The following AUTS2 variants were observed in gnomAD, a reference collection of about 807,000 sequenced individuals.
AUTS2 encodes the protein autism susceptibility gene 2 protein.
In AUTS2, 17 loss-of-function variants were observed where a neutral mutation model predicts 112.4. The observed-to-expected ratio is 0.15, with a 90% CI of 0.10 to 0.23. The LOEUF (loss-of-function observed/expected upper bound fraction) is 0.23. Ranked by LOEUF, AUTS2 falls within the 10% of genes least tolerant of loss-of-function variation. The pLI is 1.00. For missense variants in AUTS2, 1,510 were observed against 1,701.6 expected, an observed-to-expected ratio of 0.89 and a Z score of 1.98; for synonymous variants, 751 against 702.7, an observed-to-expected ratio of 1.07 and a Z score of -1.09.
intron 14 of AUTS2, 142 bp downstream of exon 14, chr7:70,777,316 G>A (rs1406642166): frequency 1.8e-5 from 14 of 770,522 alleles, no homozygotes; most frequent in Non-Finnish European, 3.0e-5. Flanking sequence ...TCTTGGAAAA[G>A]CTACTCAGAA....
intron 5 of AUTS2, among the ~76,000 whole-genome samples, chr7:70,475,163 A>G (rs1438812385): frequency 6.6e-6 from 1 of 152,204 alleles, no homozygotes; most frequent in Non-Finnish European, 1.5e-5. Context: ...ATGGCTAGAG[A>G]CAGCTCATTC....
chr7:69,851,206 G>A (rs1792466143), intron 1 of AUTS2, among the ~76,000 whole-genome samples: 1 of 152,152 alleles, frequency 6.6e-6, no homozygotes, highest in Non-Finnish European at 1.5e-5. Context: ...TGATCTGCGT[G>A]TCTGTCCCTT....
intron 2 of AUTS2, among the ~76,000 whole-genome samples, chr7:69,907,090 G>C (rs1795177010): frequency 6.6e-6 from 1 of 152,206 alleles, no homozygotes; most frequent in Non-Finnish European, 1.5e-5. Context: ...CTGGGCAACA[G>C]AGCGAGGTCC....
At chr7:70,750,697 C>T (rs948843590) in intron 6 of AUTS2, among the ~76,000 whole-genome samples, 2 of 152,202 alleles carry the variant, frequency 1.3e-5, no homozygotes, top group African/African-American at 2.4e-5. Context: ...CCACCACACC[C>T]GTCCAACAGA....
chr7:70,472,756 C>A (rs1797440460), intron 5 of AUTS2, among the ~76,000 whole-genome samples: 1 of 152,210 alleles, frequency 6.6e-6, no homozygotes, highest in South Asian at 2.1e-4. Flanking sequence ...TTTCTGAGAT[C>A]TGGCCAGCTC....
chr7:70,548,439 GT>G (rs370361258), intron 5 of AUTS2, among the ~76,000 whole-genome samples: 2,270 of 148,320 alleles, frequency 0.015, 56 homozygotes, highest in African/African-American at 0.052. Context: ...CAGTTTATCA[GT>G]TTTTTTTTTA....
chr7:69,896,039 C>T (rs895695266), intron 1 of AUTS2, among the ~76,000 whole-genome samples: 5 of 152,166 alleles, frequency 3.3e-5, no homozygotes, highest in African/African-American at 1.2e-4. Flanking sequence ...TAGAAGCAGC[C>T]CATGATGGAA....
chr7:69,939,704 T>A (rs1315076415), intron 2 of AUTS2, among the ~76,000 whole-genome samples: 1 of 152,220 alleles, frequency 6.6e-6, no homozygotes, highest in Non-Finnish European at 1.5e-5. Flanking sequence ...TAATCGTGGT[T>A]CCTACTTAGG....
At chr7:70,214,472 C>T (rs1474609123) in intron 4 of AUTS2, among the ~76,000 whole-genome samples, 2 of 152,182 alleles carry the variant, frequency 1.3e-5, no homozygotes, top group African/African-American at 2.4e-5. Context: ...GTGTTGCATA[C>T]AACACATGTT....
chr7:70,642,056 G>A (rs917806981), intron 5 of AUTS2, among the ~76,000 whole-genome samples: 5 of 152,212 alleles, frequency 3.3e-5, no homozygotes, highest in East Asian at 1.9e-4. Flanking sequence ...ATCTACCTGC[G>A]GTGCATGTAA....
intron 4 of AUTS2, among the ~76,000 whole-genome samples, chr7:70,222,997 C>T (rs918205276): frequency 6.6e-6 from 1 of 151,162 alleles, no homozygotes; most frequent in Non-Finnish European, 1.5e-5. Flanking sequence ...AGGCGGTTCT[C>T]CTGCCTCAGT....
At chr7:70,261,146 C>A (rs1406368961) in intron 4 of AUTS2, among the ~76,000 whole-genome samples, 2 of 152,012 alleles carry the variant, frequency 1.3e-5, no homozygotes, top group African/African-American at 4.8e-5. Context: ...TTTCTAAGCA[C>A]AAAAAAGAAT....
chr7:70,316,380 C>T (rs1482046249), intron 4 of AUTS2, among the ~76,000 whole-genome samples: 2 of 146,536 alleles, frequency 1.4e-5, no homozygotes, highest in Non-Finnish European at 3.0e-5. Context: ...CCAGCCATTG[C>T]TGATGGAGCC....
intron 4 of AUTS2, among the ~76,000 whole-genome samples, chr7:70,191,003 G>C (rs1255668114): frequency 6.6e-6 from 1 of 152,040 alleles, no homozygotes; most frequent in African/African-American, 2.4e-5. Context: ...AGATAAGACA[G>C]TCTGCTGCTT....
intron 1 of AUTS2, among the ~76,000 whole-genome samples, chr7:69,610,660 A>G (rs886580519): frequency 2.0e-4 from 30 of 152,204 alleles, no homozygotes; most frequent in African/African-American, 7.2e-4. Context: ...TTCCAGGAAT[A>G]ATTGGTGGTG....
chr7:70,261,095 C>T (rs970539040), intron 4 of AUTS2, among the ~76,000 whole-genome samples: 15 of 152,102 alleles, frequency 9.9e-5, no homozygotes, highest in African/African-American at 2.4e-4. Flanking sequence ...AAGCAGTATA[C>T]ATTACTAGGT....
At chr7:70,023,311 A>G (rs1196998870) in intron 2 of AUTS2, among the ~76,000 whole-genome samples, 1 of 152,254 alleles carries the variant, frequency 6.6e-6, no homozygotes, top group East Asian at 1.9e-4. Flanking sequence ...GCTAAGTGAT[A>G]GCTTTTCCAG....
intron 1 of AUTS2, among the ~76,000 whole-genome samples, chr7:69,814,147 G>A (rs1187632677): frequency 1.3e-5 from 2 of 152,286 alleles, no homozygotes; most frequent in East Asian, 3.9e-4. Context: ...TGCAGTTTTA[G>A]GGAGTTGTAC....
At chr7:69,716,054 C>T (rs1468005643) in intron 1 of AUTS2, among the ~76,000 whole-genome samples, 1 of 152,102 alleles carries the variant, frequency 6.6e-6, no homozygotes, top group Non-Finnish European at 1.5e-5. Flanking sequence ...GAAATGGTCG[C>T]CAAATCCTTC....
Sources: allele counts gnomAD v4.1 joint callset (sites outside exome capture counted in the v4.1 genomes callset), GRCh38; gene constraint gnomAD v4.1.1; transcripts MANE v1.5; gene names NCBI Gene and HGNC (gene_info 2026-07-23, HGNC 2026-07-21).